Variants in LMO4 observed in about 807,000 individuals in gnomAD.
The protein encoded by LMO4 is LIM domain only 4.
In LMO4, 3 loss-of-function variants were observed where a neutral mutation model predicts 18.5. The ratio of observed to expected loss-of-function variants is 0.16; its 90% CI spans 0.07 to 0.42. The LOEUF (loss-of-function observed/expected upper bound fraction) is 0.42, where lower values mean the gene tolerates loss of function less well. Ranked by LOEUF, LMO4 falls within the 10% of genes least tolerant of loss-of-function variation. The pLI is 0.99. For synonymous variants in LMO4, 100 were observed against 88.1 expected (o/e 1.14, Z -0.76); for missense variants, 121 against 219.9 (o/e 0.55, Z 2.84).
At position 87,344,871 on chromosome 1, in the gene LMO4, T is replaced by C; in HGVS notation, c.*75T>C. The C allele has an allele frequency of 2.0e-6, 3 of 1,469,278 alleles. No homozygotes were observed. The highest frequency in any genetic ancestry group is 1.7e-5 in the Admixed American group (1 of 59,478). 91.0% of individuals were successfully genotyped at this position (1,469,278 alleles called of 1,614,324 possible). A position where few individuals can be genotyped will look rare whatever the true frequency, so the allele number is the denominator to read the frequency against. The stretch of plus-strand genomic sequence containing the variant: ...ACAGGTGGATCCCATGTGTCTTCAG[T>C]AGACAAGTCACCTTTGTAGCTAGCA... On this transcript the variant is annotated 3_prime_UTR_variant, in exon 5 of 5. Transcript: ENST00000370544.
chr1:87,343,219 A>G (rs952976540), intron 4 of LMO4, among the ~76,000 whole-genome samples: 2 of 152,162 alleles, frequency 1.3e-5, no homozygotes, highest in Admixed American at 1.3e-4. Flanking sequence ...TGGGCTGTGT[A>G]GTGTAGTTGT....
intron 1 of LMO4, among the ~76,000 whole-genome samples, chr1:87,330,372 AT>A (rs1233298118): frequency 1.3e-5 from 2 of 152,186 alleles, no homozygotes; most frequent in Non-Finnish European, 2.9e-5. Flanking sequence ...TAGGGCTGAA[AT>A]TGTAACAAAA....
At chr1:87,333,926 C>T (rs1222963739) in intron 2 of LMO4, among the ~76,000 whole-genome samples, 1 of 150,256 alleles carries the variant, frequency 6.7e-6, no homozygotes, top group African/African-American at 2.5e-5. Context: ...AGATTCATCT[C>T]TTCTCCGAGT....
rs1650665927 is a variant in LMO4, at chr1:87,347,394, C to G, written c.*2598C>G. The G allele has an allele frequency of 6.6e-6, 1 of 152,088 alleles. No individual in the cohort carries two copies. The highest frequency in any genetic ancestry group is 1.9e-4 in the East Asian group (1 of 5,196). 9.4% of individuals were successfully genotyped at this position (152,088 alleles called of 1,614,324 possible). Reference sequence around the variant, plus strand: ...TGTGGATAGAAAGCTACTAAAAACACTCAGGTTTATTCTGATGTGAGCAGC... The same window carrying G: ...TGTGGATAGAAAGCTACTAAAAACAGTCAGGTTTATTCTGATGTGAGCAGC... On this transcript the variant is annotated 3_prime_UTR_variant, in exon 5 of 5. Coordinates refer to ENST00000370544, the MANE Select transcript of LMO4 (RefSeq NM_006769.4).
chr1:87,332,644 T>C (rs187386155), intron 2 of LMO4, among the ~76,000 whole-genome samples: 1 of 152,340 alleles, frequency 6.6e-6, no homozygotes, highest in Admixed American at 6.5e-5. Flanking sequence ...GAAACAAAGG[T>C]TGACTTAAAA....
intron 1 of LMO4, among the ~76,000 whole-genome samples, chr1:87,330,997 C>A (rs1650121576): frequency 7.6e-6 from 1 of 131,244 alleles, no homozygotes; most frequent in Non-Finnish European, 1.6e-5. Flanking sequence ...GACAGCAGGA[C>A]GGGCTCGAAT....
intron 2 of LMO4, among the ~76,000 whole-genome samples, chr1:87,335,742 C>T (rs1331598561): frequency 6.6e-6 from 1 of 152,022 alleles, no homozygotes; most frequent in East Asian, 1.9e-4. Context: ...ATTGAACAGG[C>T]TAGGTAATTA....
At chr1:87,337,624 A>G (rs944295962) in intron 2 of LMO4, among the ~76,000 whole-genome samples, 2 of 152,114 alleles carry the variant, frequency 1.3e-5, no homozygotes, top group East Asian at 1.9e-4. Context: ...ATTTGGCCAC[A>G]TGGACTGGTT....
Position 87,348,438 on chromosome 1 carries a change from G to A in LMO4, c.*3642G>A, listed in dbSNP as rs992506984. 3 of 301,478 alleles carry A rather than the reference G, an allele frequency of 1.0e-5. No individual in the cohort carries two copies. The highest frequency in any genetic ancestry group is 6.5e-5 in the African/African-American group (3 of 46,218). 18.7% of individuals were successfully genotyped at this position (301,478 alleles called of 1,614,324 possible). ...CAGAAGTGCTTATTGCAGTTAAATA[G>A]CAATTTGTTTCCATGAAACTGCAAT... On this transcript the variant is annotated 3_prime_UTR_variant, in exon 5 of 5. Coordinates refer to ENST00000370544, the MANE Select transcript of LMO4 (RefSeq NM_006769.4).
At chr1:87,339,933 C>T in intron 3 of LMO4, 114 bp from the exon 4 acceptor site, 1 of 1,205,538 alleles carries the variant, frequency 8.3e-7, no homozygotes, top group Non-Finnish European at 1.2e-6. Context: ...AAACGCTAAA[C>T]CCTAAGTGTC....
rs1570272323 is a variant in LMO4, at chr1:87,347,682, C to T, written c.*2886C>T. Reference sequence around the variant, plus strand: ...GATAAAAAAAATTATGTTTATGGTACATATAAATGTCTCAATCATGCAAAT... The same window carrying T: ...GATAAAAAAAATTATGTTTATGGTATATATAAATGTCTCAATCATGCAAAT... On this transcript the variant is annotated 3_prime_UTR_variant, in exon 5 of 5. Transcript: ENST00000370544. The T allele has an allele frequency of 6.6e-6, 1 of 152,090 alleles. No homozygotes were observed. The highest frequency in any genetic ancestry group is 2.4e-5 in the African/African-American group (1 of 41,368). 9.4% of individuals were successfully genotyped at this position (152,090 alleles called of 1,614,324 possible).
At chr1:87,341,227 C>G (rs1177381528) in intron 4 of LMO4, among the ~76,000 whole-genome samples, 3 of 152,296 alleles carry the variant, frequency 2.0e-5, no homozygotes, top group African/African-American at 7.2e-5. Context: ...TACAGCGCCA[C>G]TTGCATGGAT....
chr1:87,332,234 C>T lies in LMO4; in HGVS notation c.219C>T (p.Cys73=), dbSNP rs759149230. The change falls in exon 2 of 5, where the codon TGC becomes TGT. Residue 73 remains cysteine, a synonymous_variant. Transcript: ENST00000370544. ...ACACCAAAAGTGGCATGATCCTTTG[C>T]AGAAATGACTACATTAGGTAAGACT... ...SCYTKSGMIL[C]RNDYIRLFGN... 1.2e-6 allele frequency: 2 copies of T among 1,613,616 alleles called. No individual in the cohort carries two copies. Among genetic ancestry groups the T allele is most frequent in the South Asian group, 2.2e-5 (2 of 91,076 alleles).
Position 87,331,854 on chromosome 1 carries a change from C to G in LMO4, c.-3-159C>G, listed in dbSNP as rs970120838. ...GCTGCCGGCGAGCCTCCCTTCTTCCCTCTCCCCCTCAGCCTCCTTCCCGCC... is the reference window on the plus strand; with the variant it reads ...GCTGCCGGCGAGCCTCCCTTCTTCCGTCTCCCCCTCAGCCTCCTTCCCGCC... On this transcript the variant is annotated intron_variant, in intron 1 of 4. Transcript: ENST00000370544. 8.3e-6 allele frequency: 5 copies of G among 601,404 alleles called. No individual in the cohort carries two copies. In the East Asian group the frequency reaches 8.5e-5, roughly 10 times the overall value. The allele number at this position is 601,404 out of a possible 1,614,324, so 37.3% of individuals were successfully genotyped here.
intron 1 of LMO4, among the ~76,000 whole-genome samples, chr1:87,330,559 C>A (rs1051113971): frequency 6.6e-6 from 1 of 152,292 alleles, no homozygotes; most frequent in Non-Finnish European, 1.5e-5. Context: ...ACTGGACACA[C>A]GTTCCGGGAC....
At position 87,348,543 on chromosome 1, in the gene LMO4, GTC is replaced by G; in HGVS notation, c.*3749_*3750del. 1 of 385,836 alleles carries G rather than the reference GTC, an allele frequency of 2.6e-6. No individual in the cohort carries two copies. Among genetic ancestry groups the G allele is most frequent in the South Asian group, 1.9e-5 (1 of 52,840 alleles). 23.9% of individuals were successfully genotyped at this position (385,836 alleles called of 1,614,324 possible). ...ACAGCCAGCTACTCCCACTTGCAGAGTCTGAGATCTGACTAGCAGCAAAGTGT... is the reference window on the plus strand; with the variant it reads ...ACAGCCAGCTACTCCCACTTGCAGAGTGAGATCTGACTAGCAGCAAAGTGT... On this transcript the variant is annotated 3_prime_UTR_variant, in exon 5 of 5. Coordinates refer to ENST00000370544, the MANE Select transcript of LMO4 (RefSeq NM_006769.4).
intron 1 of LMO4, 110 bp from the exon 2 acceptor site, chr1:87,331,903 C>T (rs1274335741): frequency 1.2e-5 from 11 of 884,408 alleles, no homozygotes; most frequent in Non-Finnish European, 1.9e-5. Context: ...TTCCTTCCAG[C>T]AGCTCCGCGG....
chr1:87,345,488 GAAGA>G lies in LMO4; in HGVS notation c.*695_*698del, dbSNP rs1021709795. 52 of 147,684 alleles carry G rather than the reference GAAGA, an allele frequency of 3.5e-4. No individual in the cohort carries two copies. Among genetic ancestry groups the G allele is most frequent in the African/African-American group, 1.3e-3 (52 of 38,906 alleles). 9.1% of individuals were successfully genotyped at this position (147,684 alleles called of 1,614,324 possible). On this transcript the variant is annotated 3_prime_UTR_variant, in exon 5 of 5. Transcript: ENST00000370544. ...TCCCCCTACTTCTAATTTGCTGAAT[GAAGA>G]AAAAAAAAAATCTTTTATTTGTGAT...
chr1:87,339,419 A>G, intron 2 of LMO4, 117 bp from the exon 3 acceptor site: 1 of 665,690 alleles, frequency 1.5e-6, no homozygotes, highest in South Asian at 1.9e-5. Flanking sequence ...GCTTGAGCCT[A>G]AGAATTCAGC....
Sources: gnomAD v4.1 joint callset for allele counts (sites outside exome capture counted in the v4.1 genomes callset) on GRCh38, gnomAD v4.1.1 for gene constraint, MANE v1.5 for transcripts, NCBI Gene and HGNC (gene_info 2026-07-23, HGNC 2026-07-21) for gene names.